TTC6: variants seen among roughly 807,000 people sequenced by gnomAD.
TTC6 encodes tetratricopeptide repeat protein 6.
A neutral mutation model predicts 210.4 loss-of-function variants in TTC6; 172 were observed. The observed-to-expected ratio is 0.82, with a 90% CI of 0.72 to 0.93. The LOEUF is 0.93. TTC6 is among the 40% of genes least tolerant of loss of function. The pLI, the probability that TTC6 is intolerant of heterozygous loss-of-function variation, is 0.00. For missense variants in TTC6, 2,414 were observed against 2,318.1 expected, an observed-to-expected ratio of 1.04 and a Z score of -0.85; for synonymous variants, 804 against 819.6, an observed-to-expected ratio of 0.98 and a Z score of 0.32.
intron 6 of TTC6, among the ~76,000 whole-genome samples, chr14:37,721,469 G>T (rs548748303): frequency 1.2e-4 from 19 of 152,146 alleles, no homozygotes; most frequent in African/African-American, 4.6e-4. Flanking sequence ...TCTAATTTTT[G>T]TTCAAAAGCT....
chr14:37,601,789 G>A (rs2095616077), intron 1 of TTC6, among the ~76,000 whole-genome samples: 1 of 152,120 alleles, frequency 6.6e-6, no homozygotes, highest in Non-Finnish European at 1.5e-5. Context: ...TCAGCAGCTC[G>A]CTTTGCCCAT....
At chr14:37,716,137 T>C (rs1490926604) in intron 6 of TTC6, among the ~76,000 whole-genome samples, 4 of 152,090 alleles carry the variant, frequency 2.6e-5, no homozygotes, top group Non-Finnish European at 5.9e-5. Flanking sequence ...CCTCAGTCAA[T>C]TGTGGTAAGC....
At chr14:37,790,246 CT>C (rs1256130582) in intron 15 of TTC6, among the ~76,000 whole-genome samples, 3 of 152,116 alleles carry the variant, frequency 2.0e-5, no homozygotes, top group African/African-American at 7.2e-5. Context: ...AGCCTGACCT[CT>C]GCTTTCTGCC....
chr14:37,762,043 T>C (rs2095986194), intron 14 of TTC6, among the ~76,000 whole-genome samples: 1 of 152,216 alleles, frequency 6.6e-6, no homozygotes. Context: ...TATATTTGTT[T>C]TAGATTCCAC....
chr14:37,810,911 C>T lies in TTC6; in HGVS notation c.4570-1403C>T, dbSNP rs192344341. ...CTGAGCTAAATGCTTCACTGACATA[C>T]AATCAAAATATTTTTAAGCAGATCC... On this transcript the variant is annotated intron_variant, in intron 24 of 30. Coordinates refer to ENST00000553443, the Ensembl canonical transcript of TTC6. Among the ~76,000 whole-genome samples the T allele has an allele frequency of 6.1e-4, 93 of 152,272 alleles. 2 individuals are homozygous for T. The highest frequency in any genetic ancestry group is 7.9e-4 in the Admixed American group (12 of 15,286).
At chr14:37,700,516 G>A (rs1455632884) in intron 4 of TTC6, among the ~76,000 whole-genome samples, 1 of 152,034 alleles carries the variant, frequency 6.6e-6, no homozygotes, top group African/African-American at 2.4e-5. Flanking sequence ...GCCAAGGCAG[G>A]CAGATTACTT....
At chr14:37,832,500 G>T (rs1358866840) in intron 29 of TTC6, among the ~76,000 whole-genome samples, 1 of 150,828 alleles carries the variant, frequency 6.6e-6, no homozygotes. Context: ...CATAGGTTTT[G>T]GTATGTTGTG....
chr14:37,826,208 T>A, exon 28 of TTC6: 1 of 1,594,760 alleles, frequency 6.3e-7, no homozygotes, highest in Non-Finnish European at 8.5e-7. Context: ...CAAGGAAAAT[T>A]CCAGAAAGCT....
chr14:37,795,933 G>A (rs115680134), intron 18 of TTC6, among the ~76,000 whole-genome samples: 2 of 152,094 alleles, frequency 1.3e-5, no homozygotes, highest in African/African-American at 4.8e-5. Context: ...ATAAGGGCTT[G>A]CTTTGTCCTT....
intron 6 of TTC6, among the ~76,000 whole-genome samples, chr14:37,716,802 C>T (rs1411916370): frequency 7.2e-5 from 11 of 152,024 alleles, no homozygotes. Context: ...CCTCATCAAC[C>T]AGTAGGTTCC....
At chr14:37,596,611 G>A (rs1195508895) in intron 1 of TTC6, among the ~76,000 whole-genome samples, 1 of 152,232 alleles carries the variant, frequency 6.6e-6, no homozygotes, top group East Asian at 1.9e-4. Context: ...TGTGTTTTGA[G>A]TGTGTGACCG....
intron 28 of TTC6, 86 bp from the exon 31 acceptor site, chr14:37,827,110 G>T: frequency 2.8e-6 from 3 of 1,086,222 alleles, no homozygotes; most frequent in African/African-American, 1.6e-5. Flanking sequence ...CCCACAAGTA[G>T]ATTCCCTAAT....
At chr14:37,785,969 C>CTGAT in intron 14 of TTC6, among the ~76,000 whole-genome samples, 1 of 152,130 alleles carries the variant, frequency 6.6e-6, no homozygotes, top group Admixed American at 6.6e-5. Flanking sequence ...ATGTTGCTGC[C>CTGAT]TGATTGTTCC....
At chr14:37,769,712 G>T (rs1467640507) in intron 14 of TTC6, among the ~76,000 whole-genome samples, 1 of 149,290 alleles carries the variant, frequency 6.7e-6, no homozygotes, top group Non-Finnish European at 1.5e-5. Context: ...TATTAGTCTT[G>T]CTAGTAGTCT....
rs528948800 is a variant in TTC6 at position 37,814,699 on chromosome 14, A to G, written c.4689+2266A>G. Among the ~76,000 whole-genome samples, 17 of 152,288 alleles carry G rather than the reference A, an allele frequency of 1.1e-4. No individual in the cohort carries two copies. In the East Asian group the frequency reaches 3.1e-3, roughly 28 times the overall value. On this transcript the variant is annotated intron_variant, in intron 25 of 30. Coordinates refer to ENST00000553443, the Ensembl canonical transcript of TTC6. ...AACAACAAAAAGCTGGAAAAGATAT[A>G]CCACAGAAACAAATTGAAAGCAAAA...
chr14:37,613,916 G>C (rs1414490591), intron 2 of TTC6, among the ~76,000 whole-genome samples: 2 of 151,796 alleles, frequency 1.3e-5, no homozygotes, highest in Admixed American at 6.6e-5. Flanking sequence ...CTTTGACTTA[G>C]TTAATTTTCT....
chr14:37,832,265 A>T, intron 29 of TTC6, among the ~76,000 whole-genome samples: 1 of 136,394 alleles, frequency 7.3e-6, no homozygotes, highest in African/African-American at 2.7e-5. Flanking sequence ...CATTTTATTG[A>T]TGTTTTGTAT....
intron 14 of TTC6, among the ~76,000 whole-genome samples, chr14:37,765,219 G>C (rs2095995266): frequency 6.6e-6 from 1 of 151,768 alleles, no homozygotes; most frequent in Admixed American, 6.6e-5. Flanking sequence ...CTGGAATATA[G>C]TGGTGCAATC....
At chr14:37,701,627 G>A in intron 5 of TTC6, 101 bp downstream of exon 7, 1 of 1,128,694 alleles carries the variant, frequency 8.9e-7, no homozygotes. Context: ...TCTGTTCTTG[G>A]ACACTAAAGA....
Sources: allele counts gnomAD v4.1 joint callset (sites outside exome capture counted in the v4.1 genomes callset), GRCh38; gene constraint gnomAD v4.1.1; transcripts MANE v1.5; gene names NCBI Gene and HGNC (gene_info 2026-07-23, HGNC 2026-07-21).